Variants in SFXN1 observed in about 807,000 individuals in gnomAD.
SFXN1 encodes the protein sideroflexin-1.
Under a neutral mutation model 39.5 loss-of-function variants are expected in SFXN1, and 32 were observed. The observed-to-expected ratio is 0.81, with a 90% CI of 0.61 to 1.09. The LOEUF is 1.09. Ranked by LOEUF, SFXN1 falls within the 50% of genes least tolerant of loss-of-function variation. The probability of loss-of-function intolerance (pLI) is 0.00; values close to 1 mark genes in which losing one functional copy is unlikely to be tolerated. For synonymous variants in SFXN1, 136 were observed against 146.5 expected, an observed-to-expected ratio of 0.93 and a Z score of 0.52; for missense variants, 402 against 407.1, an observed-to-expected ratio of 0.99 and a Z score of 0.11.
At chr5:175,478,686 A>AG in intron 1 of SFXN1, 47 bp downstream of exon 1, 1 of 152,236 alleles carries the variant, frequency 6.6e-6, no homozygotes, top group Non-Finnish European at 1.5e-5. Context: ...GGAAACGCGC[A>AG]GGGGGCCCGG....
Position 175,484,476 on chromosome 5 carries a change from G to GC in SFXN1, c.-10+5840dup, listed in dbSNP as rs202190415. On this transcript the variant is annotated intron_variant, in intron 1 of 10. Transcript: ENST00000321442. Reference sequence around the variant, plus strand: ...CATGCCCTCAGCGCATCTCTGCCTTGCCCGGGGCCAGCAGGTGCACGCCGG... The same window carrying GC: ...CATGCCCTCAGCGCATCTCTGCCTTGCCCCGGGGCCAGCAGGTGCACGCCGG... Among the ~76,000 whole-genome samples the GC allele has an allele frequency of 7.1e-3, 1,081 of 152,308 alleles. 17 individuals carry two copies. Among genetic ancestry groups the GC allele is most frequent in the African/African-American group, 0.025 (1,029 of 41,570 alleles).
chr5:175,494,872 A>G (rs779548061), intron 2 of SFXN1, among the ~76,000 whole-genome samples: 2 of 152,238 alleles, frequency 1.3e-5, no homozygotes, highest in Non-Finnish European at 2.9e-5. Flanking sequence ...ATAAGCCATA[A>G]TATAAGGTGA....
chr5:175,522,247 A>G, intron 9 of SFXN1, 128 bp from the exon 10 acceptor site: 1 of 952,032 alleles, frequency 1.1e-6, no homozygotes, highest in Non-Finnish European at 1.5e-6. Flanking sequence ...AACAGGACTT[A>G]TTTTTGTTAG....
chr5:175,488,972 T>A (rs1310777506), intron 1 of SFXN1, among the ~76,000 whole-genome samples: 1 of 152,236 alleles, frequency 6.6e-6, no homozygotes, highest in Non-Finnish European at 1.5e-5. Context: ...TTGCCTGTTT[T>A]CCTTTCACTC....
intron 1 of SFXN1, among the ~76,000 whole-genome samples, chr5:175,485,447 G>A (rs1043067646): frequency 6.6e-6 from 1 of 152,110 alleles, no homozygotes; most frequent in Non-Finnish European, 1.5e-5. Context: ...ACCTCTGCTT[G>A]TTCCCACATC....
intron 3 of SFXN1, among the ~76,000 whole-genome samples, chr5:175,509,691 A>T (rs1372494582): frequency 6.6e-6 from 1 of 152,192 alleles, no homozygotes; most frequent in Non-Finnish European, 1.5e-5. Context: ...AGGTATAGGT[A>T]TAAGTGTAGA....
rs182782099 is a variant in SFXN1, at chr5:175,497,409, A to G, written c.164+5142A>G. On this transcript the variant is annotated intron_variant, in intron 2 of 10. Transcript: ENST00000321442. ...CCCACAATGCTATTTGAACAATGCT[A>G]TATGAACCAAAAAGAAAGTAATAAA... is the stretch of plus-strand genomic sequence containing the variant. Among the ~76,000 whole-genome samples the G allele has an allele frequency of 5.9e-5, 9 of 152,358 alleles. No individual in the cohort carries two copies. In the East Asian group the frequency reaches 1.5e-3, roughly 26 times the overall value.
chr5:175,514,206 G>A (rs1013192331), intron 7 of SFXN1, among the ~76,000 whole-genome samples: 3 of 152,156 alleles, frequency 2.0e-5, no homozygotes, highest in African/African-American at 7.2e-5. Context: ...AAGAGGCAGT[G>A]ATGGGCTGGA....
intron 2 of SFXN1, among the ~76,000 whole-genome samples, chr5:175,499,273 A>G (rs12656312): frequency 0.094 from 14,310 of 151,504 alleles, 826 homozygotes; most frequent in East Asian, 0.15. Context: ...AAAAAAAGGG[A>G]TATCAAACCA....
chr5:175,517,877 C>G (rs1468788951), intron 8 of SFXN1, among the ~76,000 whole-genome samples: 1 of 152,112 alleles, frequency 6.6e-6, no homozygotes, highest in African/African-American at 2.4e-5. Flanking sequence ...TTCCCACTGC[C>G]CCAGGGCCAG....
At chr5:175,524,165 T>C (rs1760987986) in intron 10 of SFXN1, 1 of 120,824 alleles carries the variant, frequency 8.3e-6, no homozygotes, top group Non-Finnish European at 1.7e-5. Context: ...TATATATATA[T>C]ATATATCTCC....
At chr5:175,504,762 T>C (rs919477289) in intron 2 of SFXN1, among the ~76,000 whole-genome samples, 3 of 152,038 alleles carry the variant, frequency 2.0e-5, no homozygotes, top group African/African-American at 7.2e-5. Context: ...GGAGTCTTGC[T>C]CTGTCGCCCA....
At position 175,529,398 on chromosome 5, in the gene SFXN1, CGTT is replaced by C. The variant is rs1445993973; in HGVS notation, c.*2668_*2670del. The C allele has an allele frequency of 8.6e-5, 13 of 150,846 alleles. No homozygotes were observed. In the East Asian group the frequency reaches 1.6e-3, roughly 18 times the overall value. 9.3% of individuals were successfully genotyped at this position (150,846 alleles called of 1,614,324 possible). A position where few individuals can be genotyped will look rare whatever the true frequency, so the allele number is the denominator to read the frequency against. The stretch of plus-strand genomic sequence containing the variant: ...GAACATGGAGCTGCATCTTTTTAAA[CGTT>C]GTTTTTTGATGCTTCAGACTCTTAA... On this transcript the variant is annotated 3_prime_UTR_variant, in exon 11 of 11. Transcript: ENST00000321442.
intron 2 of SFXN1, among the ~76,000 whole-genome samples, chr5:175,505,218 A>G (rs985450138): frequency 3.3e-5 from 5 of 152,070 alleles, no homozygotes; most frequent in Non-Finnish European, 5.9e-5. Context: ...TCAAATTACA[A>G]CTGTGGTCAC....
At chr5:175,495,261 A>G (rs1759815155) in intron 2 of SFXN1, among the ~76,000 whole-genome samples, 1 of 152,116 alleles carries the variant, frequency 6.6e-6, no homozygotes, top group Non-Finnish European at 1.5e-5. Context: ...TCAAATTCAG[A>G]GACAGAAAGT....
intron 5 of SFXN1, 139 bp downstream of exon 5, chr5:175,511,665 T>C (rs1441480306): frequency 2.8e-6 from 2 of 709,306 alleles, no homozygotes; most frequent in African/African-American, 3.6e-5. Flanking sequence ...CTGCATATTT[T>C]AGTTATATCT....
intron 7 of SFXN1, among the ~76,000 whole-genome samples, chr5:175,516,374 A>G (rs1418041302): frequency 1.3e-5 from 2 of 152,256 alleles, no homozygotes; most frequent in African/African-American, 2.4e-5. Flanking sequence ...TTTCAAGATT[A>G]TAAAACTTTC....
At chr5:175,505,667 A>G (rs915457746) in intron 2 of SFXN1, among the ~76,000 whole-genome samples, 1 of 152,076 alleles carries the variant, frequency 6.6e-6, no homozygotes, top group African/African-American at 2.4e-5. Context: ...ACCCAAGATT[A>G]AAATTGACTG....
intron 6 of SFXN1, among the ~76,000 whole-genome samples, chr5:175,512,624 T>C (rs1438632295): frequency 6.6e-6 from 1 of 152,190 alleles, no homozygotes; most frequent in Non-Finnish European, 1.5e-5. Context: ...TCTTTGGAAG[T>C]ATTGTTGTAG....
Sources: gnomAD v4.1 joint callset for allele counts (sites outside exome capture counted in the v4.1 genomes callset) on GRCh38, gnomAD v4.1.1 for gene constraint, MANE v1.5 for transcripts, NCBI Gene and HGNC (gene_info 2026-07-23, HGNC 2026-07-21) for gene names.